CD109: variants seen among roughly 807,000 people sequenced by gnomAD.
CD109 encodes CD109 molecule.
A neutral mutation model predicts 165.8 loss-of-function variants in CD109; 149 were observed. That is an observed-to-expected ratio of 0.90 (90% CI 0.79 to 1.03). The LOEUF is 1.03. CD109 is among the 50% of genes least tolerant of loss of function. The pLI, the probability that CD109 is intolerant of heterozygous loss-of-function variation, is 0.00. For missense variants in CD109, 1,712 were observed against 1,677.8 expected (o/e 1.02, Z -0.36); for synonymous variants, 585 against 592.1 (o/e 0.99, Z 0.18).
intron 7 of CD109, among the ~76,000 whole-genome samples, 167 bp from the exon 8 acceptor site, chr6:73,762,217 T>C (rs1312690663): frequency 6.6e-6 from 1 of 152,248 alleles, no homozygotes; most frequent in Non-Finnish European, 1.5e-5. Flanking sequence ...CGCCTCGGCC[T>C]CCCAAAGTGC....
Position 73,806,822 on chromosome 6 carries a change from AT to A in CD109, c.2961-15del, listed in dbSNP as rs1775582490. 4 of 1,578,260 alleles carry A rather than the reference AT, an allele frequency of 2.5e-6. No individual in the cohort carries two copies. The East Asian group carries it at 9.0e-5, about 35-fold the overall frequency. ...GACCTTATAAAGTGTATTTTATGTA[AT>A]TTTTTTCTCTTTTCATAAAGGTTGT... is the stretch of plus-strand genomic sequence containing the variant. On this transcript the variant is annotated intron_variant, in intron 24 of 32. Transcript: ENST00000287097.
chr6:73,746,156 T>C (rs1423454508), intron 5 of CD109, among the ~76,000 whole-genome samples: 1 of 152,246 alleles, frequency 6.6e-6, no homozygotes, highest in Non-Finnish European at 1.5e-5. Context: ...TATGTTATTA[T>C]AGTACAATAT....
chr6:73,773,101 GTGTGTACGTGTGTGTA>G (rs1774104400), intron 15 of CD109, among the ~76,000 whole-genome samples: 2 of 150,776 alleles, frequency 1.3e-5, no homozygotes, highest in Admixed American at 1.3e-4. Context: ...ATGTTTGTGT[GTGTGTACGTGTGTGTA>G]TACATACACA....
chr6:73,817,200 TG>T (rs1775968522), intron 30 of CD109, among the ~76,000 whole-genome samples: 1 of 152,198 alleles, frequency 6.6e-6, no homozygotes, highest in South Asian at 2.1e-4. Flanking sequence ...CTGTGTGGCA[TG>T]ATAGTTTAAC....
At chr6:73,689,645 A>T in the CD109 span, among the ~76,000 whole-genome samples, 1 of 151,866 alleles carries the variant, frequency 6.6e-6, no homozygotes, top group African/African-American at 2.4e-5. Context: ...TTTACTTTAT[A>T]AGGCTCTTAG....
At chr6:73,810,829 A>C (rs1346615416) in intron 27 of CD109, among the ~76,000 whole-genome samples, 163 bp from the exon 28 acceptor site, 1 of 152,188 alleles carries the variant, frequency 6.6e-6, no homozygotes, top group Admixed American at 6.6e-5. Flanking sequence ...ACATTTTCTG[A>C]GCCTCTCCTG....
intron 26 of CD109, among the ~76,000 whole-genome samples, chr6:73,808,633 G>A (rs79801988): frequency 0.024 from 3,612 of 152,216 alleles, 163 homozygotes; most frequent in African/African-American, 0.082. Flanking sequence ...AGTGGAAATG[G>A]CACCTATTTT....
chr6:73,804,619 A>C (rs980679583), intron 24 of CD109, among the ~76,000 whole-genome samples: 3 of 152,218 alleles, frequency 2.0e-5, no homozygotes, highest in African/African-American at 7.2e-5. Flanking sequence ...GATTTGGGCC[A>C]GGCAGATTTG....
chr6:73,772,288 G>A (rs1339852309), intron 15 of CD109, among the ~76,000 whole-genome samples: 1 of 151,950 alleles, frequency 6.6e-6, no homozygotes. Flanking sequence ...GGTGGATCAC[G>A]AGGTCAGGAG....
intron 23 of CD109, among the ~76,000 whole-genome samples, chr6:73,797,567 C>A (rs1313648002): frequency 9.4e-6 from 1 of 106,550 alleles, no homozygotes; most frequent in African/African-American, 4.2e-5. Context: ...TCTTTTAATA[C>A]AGAGAATTTT....
At chr6:73,683,429 C>T in the CD109 span, among the ~76,000 whole-genome samples, 5 of 152,304 alleles carry the variant, frequency 3.3e-5, no homozygotes, top group East Asian at 7.7e-4. Flanking sequence ...CCACCTCAGC[C>T]TGGATTTCAT....
intron 30 of CD109, among the ~76,000 whole-genome samples, chr6:73,815,440 TGG>T (rs1177564139): frequency 5.3e-5 from 8 of 152,130 alleles, no homozygotes; most frequent in African/African-American, 1.7e-4. Context: ...ACTTCAAAAA[TGG>T]TTATTTCTTG....
chr6:73,742,171 C>T (rs1415499389), intron 5 of CD109, among the ~76,000 whole-genome samples: 1 of 151,708 alleles, frequency 6.6e-6, no homozygotes, highest in African/African-American at 2.4e-5. Context: ...AACAATAACT[C>T]TCCATTCCCT....
At position 73,788,626 on chromosome 6, in the gene CD109, A is replaced by G. The variant is rs201300356; in HGVS notation, c.2701+14A>G. 3.1e-6 allele frequency: 5 copies of G among 1,592,792 alleles called. No individual in the cohort carries two copies. The highest frequency in any genetic ancestry group is 3.4e-6 in the Non-Finnish European group (4 of 1,165,790). On this transcript the variant is annotated intron_variant, in intron 22 of 32. Coordinates refer to ENST00000287097, the MANE Select transcript of CD109 (RefSeq NM_133493.5). ...TCACTGCAATTGGTAAGAATAGAGT[A>G]TATCACCATCTATTGGTTTAATTGT...
At chr6:73,699,581 T>G (rs1015800401) in intron 2 of CD109, among the ~76,000 whole-genome samples, 1 of 152,050 alleles carries the variant, frequency 6.6e-6, no homozygotes, top group African/African-American at 2.4e-5. Flanking sequence ...TACATTGGGG[T>G]GCATGTTGTT....
chr6:73,791,393 A>G (rs1026276579), intron 22 of CD109, among the ~76,000 whole-genome samples: 1 of 151,086 alleles, frequency 6.6e-6, no homozygotes, highest in Admixed American at 6.6e-5. Flanking sequence ...TAAGCTCTCT[A>G]TTTAGGGGAA....
chr6:73,815,093 T>G lies in CD109; in HGVS notation c.3881T>G (p.Leu1294Arg). 5 of 1,587,532 alleles carry G rather than the reference T, an allele frequency of 3.1e-6. No individual in the cohort carries two copies. The highest frequency in any genetic ancestry group is 3.4e-6 in the Non-Finnish European group (4 of 1,171,740). ...GCTGTAAAAGAAAATAAAGATGATCTCAATCATGTGGATTTGAATGTGTGT... is the reference window on the plus strand; with the variant it reads ...GCTGTAAAAGAAAATAAAGATGATCGCAATCATGTGGATTTGAATGTGTGT... ...DVAVKENKDD[L>R]NHVDLNVCTS... Residue 1294 changes from leucine (L) to arginine (R), a missense_variant, in exon 30 of 33, where the codon CTC becomes CGC. Coordinates refer to ENST00000287097, the MANE Select transcript of CD109 (RefSeq NM_133493.5).
At chr6:73,706,358 T>C (rs190148312) in intron 2 of CD109, among the ~76,000 whole-genome samples, 2 of 152,216 alleles carry the variant, frequency 1.3e-5, no homozygotes, top group East Asian at 3.9e-4. Context: ...GGAAGTCATA[T>C]TTGTATCTGG....
At chr6:73,800,868 T>C (rs1255325828) in intron 23 of CD109, among the ~76,000 whole-genome samples, 1 of 152,196 alleles carries the variant, frequency 6.6e-6, no homozygotes, top group Non-Finnish European at 1.5e-5. Context: ...AATATTGATA[T>C]TAGCTATTTA....
Sources: gnomAD v4.1 joint callset for allele counts (sites outside exome capture counted in the v4.1 genomes callset) on GRCh38, gnomAD v4.1.1 for gene constraint, MANE v1.5 for transcripts, NCBI Gene and HGNC (gene_info 2026-07-23, HGNC 2026-07-21) for gene names.